The following GABRG3 variants were observed in gnomAD, a reference collection of about 807,000 sequenced individuals.
GABRG3 encodes gamma-aminobutyric acid type A receptor subunit gamma3.
A neutral mutation model predicts 48.8 loss-of-function variants in GABRG3; 25 were observed. The ratio of observed to expected loss-of-function variants is 0.51; its 90% CI spans 0.37 to 0.72. The LOEUF is 0.72. Ranked by LOEUF, GABRG3 falls within the 30% of genes least tolerant of loss-of-function variation. The pLI is 0.00. For synonymous variants in GABRG3, 227 were observed against 217.6 expected (o/e 1.04, Z -0.38); for missense variants, 394 against 577.9 (o/e 0.68, Z 3.26).
intron 6 of GABRG3, among the ~76,000 whole-genome samples, chr15:27,509,290 AG>A (rs1177695870): frequency 2.0e-4 from 30 of 152,170 alleles, no homozygotes; most frequent in African/African-American, 7.0e-4. Flanking sequence ...TCTGGTTTTC[AG>A]CACTTTTAAT....
rs114791155 is a variant in GABRG3 at position 27,180,842 on chromosome 15, G to T, written c.271-145967G>T. 0.011 allele frequency among the ~76,000 whole-genome samples: 1,750 copies of T among 152,218 alleles called. 35 individuals are homozygous for T. The highest frequency in any genetic ancestry group is 0.04 in the African/African-American group (1,679 of 41,532). On this transcript the variant is annotated intron_variant, in intron 3 of 9. Transcript: ENST00000615808. The surrounding 1 kb of genome is among the most constrained non-coding windows in gnomAD (Gnocchi z 4.2). ...ATATACCCCATGTAGCCACTGAAAA[G>T]GTCTATCTTATGTCTACTTAAGGCT... is the stretch of plus-strand genomic sequence containing the variant.
chr15:27,254,316 G>T (rs534952417), intron 3 of GABRG3, among the ~76,000 whole-genome samples: 3 of 152,156 alleles, frequency 2.0e-5, no homozygotes, highest in Non-Finnish European at 2.9e-5. Flanking sequence ...TCGAGAAGGC[G>T]CAGGGGAGAG....
At chr15:27,022,494 G>T (rs886534974) in intron 2 of GABRG3, among the ~76,000 whole-genome samples, 1 of 152,302 alleles carries the variant, frequency 6.6e-6, no homozygotes, top group East Asian at 1.9e-4. Context: ...GGGCTGAGGC[G>T]AGTTTAGCAG....
At chr15:27,435,483 G>A (rs112984529) in intron 5 of GABRG3, among the ~76,000 whole-genome samples, 2,025 of 152,104 alleles carry the variant, frequency 0.013, 32 homozygotes, top group African/African-American at 0.047. Flanking sequence ...ACACAGCCAT[G>A]GTGCACTGAC....
chr15:27,093,586 A>G (rs1479924446), intron 3 of GABRG3, among the ~76,000 whole-genome samples: 1 of 152,190 alleles, frequency 6.6e-6, no homozygotes, highest in African/African-American at 2.4e-5. Flanking sequence ...CAGAAAGATT[A>G]TGCATGGTCG....
chr15:27,062,846 A>C (rs1267450372), intron 3 of GABRG3, among the ~76,000 whole-genome samples: 1 of 152,236 alleles, frequency 6.6e-6, no homozygotes, highest in East Asian at 1.9e-4. Flanking sequence ...AGATAAAGTA[A>C]ATCCTAAAAG....
chr15:27,047,555 CA>C (rs773143033), intron 3 of GABRG3, among the ~76,000 whole-genome samples: 1 of 152,182 alleles, frequency 6.6e-6, no homozygotes, highest in Non-Finnish European at 1.5e-5. Context: ...CCCTTTGTAT[CA>C]ACTTTGTTTA....
Position 27,457,867 on chromosome 15 carries a change from A to G in GABRG3, c.575-22783A>G, listed in dbSNP as rs1189253406. ...AGGGAAACCATCAGCTTTCAATTGG[A>G]GTGTTCTCCTGACTCCACATCTTTA... On this transcript the variant is annotated intron_variant, in intron 5 of 9. Coordinates refer to ENST00000615808, the MANE Select transcript of GABRG3 (RefSeq NM_033223.5). The surrounding 1 kb of genome is among the most constrained non-coding windows in gnomAD (Gnocchi z 4.4). Among the ~76,000 whole-genome samples, 1 of 152,170 alleles carries G rather than the reference A, an allele frequency of 6.6e-6. No individual in the cohort carries two copies. Among genetic ancestry groups the G allele is most frequent in the Admixed American group, 6.5e-5 (1 of 15,282 alleles).
intron 5 of GABRG3, among the ~76,000 whole-genome samples, chr15:27,414,696 C>T (rs1887891679): frequency 6.6e-6 from 1 of 152,126 alleles, no homozygotes; most frequent in East Asian, 1.9e-4. Context: ...ACAGAGACCA[C>T]ACTCTCATGA....
At chr15:27,242,109 C>T (rs1456411997) in intron 3 of GABRG3, among the ~76,000 whole-genome samples, 2 of 152,264 alleles carry the variant, frequency 1.3e-5, no homozygotes, top group East Asian at 1.9e-4. Context: ...GTTTGCCTGG[C>T]CCAACTGCTG....
chr15:27,004,007 G>A (rs1212849558), intron 2 of GABRG3, among the ~76,000 whole-genome samples: 1 of 149,754 alleles, frequency 6.7e-6, no homozygotes, highest in Non-Finnish European at 1.5e-5. Flanking sequence ...CTCCCGGACG[G>A]GGCGGCTGTC....
At chr15:27,005,097 G>T (rs1480998917) in intron 2 of GABRG3, among the ~76,000 whole-genome samples, 1 of 152,082 alleles carries the variant, frequency 6.6e-6, no homozygotes, top group Non-Finnish European at 1.5e-5. Context: ...GGTACAGGTG[G>T]TATAACAGTT....
Position 26,974,882 on chromosome 15 carries a change from ATTATTATTT to A in GABRG3, c.54-2119_54-2111del, listed in dbSNP as rs1894910001. On this transcript the variant is annotated intron_variant, in intron 1 of 9. Coordinates refer to ENST00000615808, the MANE Select transcript of GABRG3 (RefSeq NM_033223.5). This position sits in a 1 kb window ranked among gnomAD's most constrained non-coding sequence, Gnocchi z 4.3. ...TATTATTATTATTATTATTATTATT[ATTATTATTT>A]GAGATGGAGTCTCGCTCTGTTGCCC... Among the ~76,000 whole-genome samples the A allele has an allele frequency of 7.3e-6, 1 of 136,064 alleles. No homozygotes were observed. The highest frequency in any genetic ancestry group is 2.2e-4 in the South Asian group (1 of 4,588). The allele number at this position is 136,064 out of a possible 152,430, so 89.3% of individuals were successfully genotyped here. A position where few individuals can be genotyped will look rare whatever the true frequency, so the allele number is the denominator to read the frequency against.
chr15:27,134,763 C>T (rs1293318799), intron 3 of GABRG3, among the ~76,000 whole-genome samples: 3 of 152,160 alleles, frequency 2.0e-5, no homozygotes, highest in Non-Finnish European at 4.4e-5. Context: ...AGGTACTATG[C>T]GATCATTGTT....
intron 3 of GABRG3, among the ~76,000 whole-genome samples, chr15:27,168,491 A>AC (rs758864223): frequency 5.3e-5 from 8 of 151,838 alleles, no homozygotes; most frequent in Non-Finnish European, 8.8e-5. Flanking sequence ...TGTTTGTGAC[A>AC]CCCCCCCACC....
chr15:27,397,890 C>G (rs964145306), intron 5 of GABRG3, among the ~76,000 whole-genome samples: 1 of 151,474 alleles, frequency 6.6e-6, no homozygotes, highest in South Asian at 2.1e-4. Flanking sequence ...CTGCAAGCTC[C>G]GCCTCCCAGG....
At chr15:27,127,508 G>C (rs1302837997) in intron 3 of GABRG3, among the ~76,000 whole-genome samples, 1 of 151,990 alleles carries the variant, frequency 6.6e-6, no homozygotes, top group African/African-American at 2.4e-5. Flanking sequence ...AAAATCTCTG[G>C]GGTCTCCTTG....
chr15:27,530,869 C>T lies in GABRG3; in HGVS notation c.1123-1731C>T, dbSNP rs538313653. ...TCTGGCTGATCACTGTCAAAGCACA[C>T]GTGTAGGAAACCTTTATTGCAATTG... On this transcript the variant is annotated intron_variant, in intron 9 of 9. Transcript: ENST00000615808. 84 of 346,854 alleles carry T rather than the reference C, an allele frequency of 2.4e-4. 2 individuals carry two copies. The highest frequency in any genetic ancestry group is 1.7e-3 in the South Asian group (79 of 46,096). 21.5% of individuals were successfully genotyped at this position (346,854 alleles called of 1,614,324 possible).
At chr15:27,316,392 A>AC (rs1429449794) in intron 3 of GABRG3, among the ~76,000 whole-genome samples, 38 of 150,942 alleles carry the variant, frequency 2.5e-4, no homozygotes, top group African/African-American at 8.9e-4. Flanking sequence ...CGTCTCAAAA[A>AC]AAAAAAAAAA....
Sources: allele counts gnomAD v4.1 joint callset (sites outside exome capture counted in the v4.1 genomes callset), GRCh38; gene constraint gnomAD v4.1.1; non-coding constraint Gnocchi (gnomAD v3.1); transcripts MANE v1.5; gene names NCBI Gene and HGNC (gene_info 2026-07-23, HGNC 2026-07-21).